Variants in IPCEF1 observed in about 807,000 individuals in gnomAD.
IPCEF1 encodes interactor protein for cytohesin exchange factors 1.
Under a neutral mutation model 50.9 loss-of-function variants are expected in IPCEF1, and 31 were observed. That is an observed-to-expected ratio of 0.61 (90% confidence interval 0.46 to 0.82). The LOEUF (loss-of-function observed/expected upper bound fraction) is 0.82. Among genes scored for constraint, IPCEF1 ranks in the 40% least tolerant of loss-of-function variants. The pLI is 0.00. For synonymous variants in IPCEF1, 181 were observed against 192.0 expected (o/e 0.94, Z 0.47); for missense variants, 458 against 514.0 (o/e 0.89, Z 1.05).
At chr6:154,192,676 G>GT (rs1313438101) in intron 10 of IPCEF1, among the ~76,000 whole-genome samples, 21 of 151,280 alleles carry the variant, frequency 1.4e-4, no homozygotes, top group Non-Finnish European at 2.9e-4. Context: ...AAAAAAAAAT[G>GT]ACTTAATCCT....
At chr6:154,175,892 T>C (rs895659170) in intron 10 of IPCEF1, among the ~76,000 whole-genome samples, 2 of 152,082 alleles carry the variant, frequency 1.3e-5, no homozygotes, top group African/African-American at 2.4e-5. Flanking sequence ...TAGGCCAATA[T>C]CCCTGATGAA....
intron 1 of IPCEF1, among the ~76,000 whole-genome samples, chr6:154,354,415 A>ACCTCCACCACCACCTCCACCCTCT (rs1784170495): frequency 2.1e-5 from 1 of 46,694 alleles, no homozygotes; most frequent in African/African-American, 1.3e-4. Flanking sequence ...CTCCACCACC[A>ACCTCCACCACCACCTCCACCCTCT]CCTCCACCAC....
chr6:154,255,506 T>C (rs1351107126), intron 3 of IPCEF1, among the ~76,000 whole-genome samples: 1 of 152,226 alleles, frequency 6.6e-6, no homozygotes, highest in African/African-American at 2.4e-5. Context: ...TTTCTAGTTA[T>C]GGACTTATCT....
chr6:154,287,537 G>C (rs115496719), intron 2 of IPCEF1, among the ~76,000 whole-genome samples: 121 of 152,300 alleles, frequency 7.9e-4, no homozygotes, highest in African/African-American at 2.8e-3. Context: ...TAAGCAGTTT[G>C]CCCAAGGTCA....
chr6:154,166,795 C>G (rs2128552910), intron 11 of IPCEF1, among the ~76,000 whole-genome samples: 1 of 152,308 alleles, frequency 6.6e-6, no homozygotes, highest in African/African-American at 2.4e-5. Context: ...AAAATCCCAA[C>G]ACGCTATGAC....
chr6:154,265,439 T>A (rs1781731928), intron 3 of IPCEF1, among the ~76,000 whole-genome samples: 1 of 151,274 alleles, frequency 6.6e-6, no homozygotes, highest in Admixed American at 6.6e-5. Flanking sequence ...CACCACCATA[T>A]CCAGCTAATT....
At chr6:154,190,068 C>T (rs1801734918) in intron 10 of IPCEF1, among the ~76,000 whole-genome samples, 1 of 152,078 alleles carries the variant, frequency 6.6e-6, no homozygotes, top group African/African-American at 2.4e-5. Context: ...TATCATCAAA[C>T]TGAATATTCT....
At chr6:154,311,961 A>T (rs552108841) in intron 1 of IPCEF1, among the ~76,000 whole-genome samples, 2 of 152,300 alleles carry the variant, frequency 1.3e-5, no homozygotes, top group South Asian at 4.1e-4. Flanking sequence ...TAAATCCTGG[A>T]TATTTACCCA....
chr6:154,239,436 A>G (rs1366369693), intron 5 of IPCEF1, among the ~76,000 whole-genome samples: 1 of 152,168 alleles, frequency 6.6e-6, no homozygotes, highest in African/African-American at 2.4e-5. Context: ...TTAGAATGTC[A>G]GAAGTAACAG....
At chr6:154,166,204 A>G (rs1415531229) in intron 11 of IPCEF1, among the ~76,000 whole-genome samples, 1 of 152,262 alleles carries the variant, frequency 6.6e-6, no homozygotes, top group African/African-American at 2.4e-5. Context: ...ACAGAAAAGC[A>G]AAAGCTGCTG....
intron 1 of IPCEF1, among the ~76,000 whole-genome samples, chr6:154,331,895 A>AC (rs36071529): frequency 2.0e-5 from 3 of 151,844 alleles, no homozygotes; most frequent in African/African-American, 7.3e-5. Flanking sequence ...AGTGCAGAAG[A>AC]CCCCCAGTCA....
chr6:154,189,751 C>G (rs2067492038), intron 10 of IPCEF1, among the ~76,000 whole-genome samples: 1 of 151,878 alleles, frequency 6.6e-6, no homozygotes, highest in African/African-American at 2.4e-5. Context: ...GGTGGATCAC[C>G]TGAGGTCAGG....
Position 154,237,811 on chromosome 6 carries a change from T to C in IPCEF1, c.246+8780A>G, listed in dbSNP as rs558573526. ...ACACACATATACATATGTATGTTTA[T>C]ACACATGCATATCTATATATATGTT... On this transcript the variant is annotated intron_variant, in intron 5 of 11. Coordinates refer to ENST00000367220, the MANE Select transcript of IPCEF1 (RefSeq NM_001130700.2). Among the ~76,000 whole-genome samples, 16 of 152,308 alleles carry C rather than the reference T, an allele frequency of 1.1e-4. No homozygotes were observed. The East Asian group carries it at 2.7e-3, about 26-fold the overall frequency.
At position 154,159,203 on chromosome 6, in the gene IPCEF1, G is replaced by C. The variant is rs548804162; in HGVS notation, c.*625C>G. 27 of 152,928 alleles carry C rather than the reference G, an allele frequency of 1.8e-4. No individual in the cohort carries two copies. Among genetic ancestry groups the C allele is most frequent in the African/African-American group, 6.5e-4 (27 of 41,578 alleles). 9.5% of individuals were successfully genotyped at this position (152,928 alleles called of 1,614,324 possible). ...GCATAAAGTGTGAAAACACCAAGCT[G>C]TCCTTTGAATGAGTGGAATATGGAA... On this transcript the variant is annotated 3_prime_UTR_variant, in exon 12 of 12. Transcript: ENST00000367220.
chr6:154,221,884 T>C (rs1216594142), intron 6 of IPCEF1, among the ~76,000 whole-genome samples: 1 of 152,008 alleles, frequency 6.6e-6, no homozygotes, highest in Non-Finnish European at 1.5e-5. Context: ...AAAAAACAAA[T>C]AAATAAATAA....
chr6:154,307,502 C>G (rs1782966546), intron 1 of IPCEF1, among the ~76,000 whole-genome samples: 2 of 152,156 alleles, frequency 1.3e-5, no homozygotes, highest in Non-Finnish European at 1.5e-5. Flanking sequence ...CGGACTAATA[C>G]ACAGTCACAT....
intron 1 of IPCEF1, among the ~76,000 whole-genome samples, chr6:154,294,898 T>G (rs1223597854): frequency 6.6e-6 from 1 of 152,010 alleles, no homozygotes; most frequent in Non-Finnish European, 1.5e-5. Flanking sequence ...ATAAAAATTA[T>G]TTTTTAAAAA....
chr6:154,189,270 C>T (rs778654058), intron 10 of IPCEF1, among the ~76,000 whole-genome samples: 27 of 152,236 alleles, frequency 1.8e-4, no homozygotes, highest in Non-Finnish European at 2.9e-4. Context: ...GCTTTGAGAG[C>T]GCTCATCCAT....
intron 1 of IPCEF1, among the ~76,000 whole-genome samples, chr6:154,300,414 C>A (rs1782761645): frequency 6.6e-6 from 1 of 152,256 alleles, no homozygotes; most frequent in East Asian, 1.9e-4. Context: ...GAGTTCCAGA[C>A]CTGCCTGGGC....
Sources: allele counts gnomAD v4.1 joint callset (sites outside exome capture counted in the v4.1 genomes callset), GRCh38; gene constraint gnomAD v4.1.1; transcripts MANE v1.5; gene names NCBI Gene and HGNC (gene_info 2026-07-23, HGNC 2026-07-21).